SORCS3: variants seen among roughly 807,000 people sequenced by gnomAD.
SORCS3 encodes the protein VPS10 domain-containing receptor SorCS3.
Under a neutral mutation model 146.3 loss-of-function variants are expected in SORCS3, and 57 were observed. The observed-to-expected ratio is 0.39, with a 90% CI of 0.31 to 0.49. The LOEUF (loss-of-function observed/expected upper bound fraction) is 0.49, where lower values mean the gene tolerates loss of function less well. SORCS3 is among the 20% of genes least tolerant of loss of function. The pLI is 0.92. For missense variants in SORCS3, 1,341 were observed against 1,575.5 expected (o/e 0.85, Z 2.52); for synonymous variants, 653 against 618.5 (o/e 1.06, Z -0.83).
chr10:104,841,810 G>A (rs926684455), intron 1 of SORCS3, among the ~76,000 whole-genome samples: 1 of 152,174 alleles, frequency 6.6e-6, no homozygotes, highest in African/African-American at 2.4e-5. Flanking sequence ...GCTGAAAAAA[G>A]TGAAATGAGT....
chr10:105,025,278 A>G (rs1000565369), intron 4 of SORCS3, among the ~76,000 whole-genome samples: 1 of 152,150 alleles, frequency 6.6e-6, no homozygotes, highest in Non-Finnish European at 1.5e-5. Context: ...CAACAAGCAC[A>G]TCTGGAGGCA....
chr10:104,951,972 A>G (rs1377887820), intron 3 of SORCS3, among the ~76,000 whole-genome samples: 1 of 151,754 alleles, frequency 6.6e-6, no homozygotes, highest in Non-Finnish European at 1.5e-5. Context: ...CATTATCCCC[A>G]TTTATGTCTA....
At chr10:104,745,830 T>C (rs761052428) in intron 1 of SORCS3, among the ~76,000 whole-genome samples, 12 of 152,246 alleles carry the variant, frequency 7.9e-5, no homozygotes, top group Admixed American at 2.6e-4. Flanking sequence ...GATCATGTAG[T>C]ATTTGTCCTT....
chr10:105,257,506 G>A (rs1409988116), intron 25 of SORCS3, among the ~76,000 whole-genome samples: 1 of 152,106 alleles, frequency 6.6e-6, no homozygotes, highest in African/African-American at 2.4e-5. Context: ...AGCCACAGAA[G>A]GGGTGGTATA....
chr10:104,986,540 T>C (rs747241053), intron 4 of SORCS3, among the ~76,000 whole-genome samples: 10 of 152,354 alleles, frequency 6.6e-5, no homozygotes, highest in South Asian at 2.1e-4. Context: ...CGCAAGAGAC[T>C]TCACTCTCAG....
chr10:105,254,922 C>T (rs1303910527), intron 23 of SORCS3, among the ~76,000 whole-genome samples: 1 of 152,152 alleles, frequency 6.6e-6, no homozygotes, highest in Non-Finnish European at 1.5e-5. Context: ...GGCGCGGTGG[C>T]TCACGCCTGT....
intron 6 of SORCS3, among the ~76,000 whole-genome samples, chr10:105,096,088 T>G (rs796424575): frequency 1.3e-4 from 19 of 145,410 alleles, no homozygotes; most frequent in African/African-American, 4.8e-4. Context: ...CCAAGCATTA[T>G]AATCACCTCA....
At chr10:105,120,308 C>A (rs1336972067) in intron 7 of SORCS3, among the ~76,000 whole-genome samples, 3 of 152,112 alleles carry the variant, frequency 2.0e-5, no homozygotes, top group African/African-American at 4.8e-5. Flanking sequence ...TCAATTAAAC[C>A]CCTTTTCTCC....
chr10:104,762,051 G>A lies in SORCS3; in HGVS notation c.628-80741G>A, dbSNP rs111294388. ...CCACAAGAATCCTTCTCTTAAGCACGTGCAGTCCCCTCACTGTTCCCACCT... is the reference window on the plus strand; with the variant it reads ...CCACAAGAATCCTTCTCTTAAGCACATGCAGTCCCCTCACTGTTCCCACCT... On this transcript the variant is annotated intron_variant, in intron 1 of 26. Transcript: ENST00000369701. Among the ~76,000 whole-genome samples, 129 of 152,262 alleles carry A rather than the reference G, an allele frequency of 8.5e-4. 1 individual carries two copies. Among genetic ancestry groups the A allele is most frequent in the Non-Finnish European group, 1.4e-3 (92 of 68,012 alleles).
At chr10:104,934,861 G>A (rs1189295032) in intron 3 of SORCS3, among the ~76,000 whole-genome samples, 1 of 152,216 alleles carries the variant, frequency 6.6e-6, no homozygotes, top group Non-Finnish European at 1.5e-5. Context: ...AGGCTGGGAA[G>A]GGGCATTTTT....
At chr10:104,817,971 C>T (rs2133525283) in intron 1 of SORCS3, among the ~76,000 whole-genome samples, 1 of 152,118 alleles carries the variant, frequency 6.6e-6, no homozygotes, top group Non-Finnish European at 1.5e-5. Context: ...CCTTCGCGTC[C>T]ATCTTTCTTT....
intron 8 of SORCS3, among the ~76,000 whole-genome samples, chr10:105,142,566 C>A (rs1217415423): frequency 1.3e-5 from 2 of 152,162 alleles, no homozygotes; most frequent in Non-Finnish European, 2.9e-5. Flanking sequence ...CCAATGGGAG[C>A]TGAAGCAAGC....
intron 3 of SORCS3, among the ~76,000 whole-genome samples, chr10:104,958,507 C>A (rs995141168): frequency 3.3e-5 from 5 of 152,044 alleles, no homozygotes; most frequent in Non-Finnish European, 5.9e-5. Context: ...ATCAGGTCGG[C>A]CATTGTAATC....
At chr10:105,192,487 C>G (rs1427895694) in intron 14 of SORCS3, among the ~76,000 whole-genome samples, 1 of 152,080 alleles carries the variant, frequency 6.6e-6, no homozygotes, top group East Asian at 1.9e-4. Context: ...TCACCCTGCT[C>G]TGTTTCTGAA....
chr10:104,964,710 A>C (rs2054816579), intron 3 of SORCS3, among the ~76,000 whole-genome samples: 1 of 152,100 alleles, frequency 6.6e-6, no homozygotes, highest in African/African-American at 2.4e-5. Context: ...TTTTACTTTA[A>C]AAAATTGTAG....
In SORCS3 at chr10:105,188,054, GAGAT is replaced by G. The variant is rs539734965; in HGVS notation, c.2009+9888_2009+9891del. Among the ~76,000 whole-genome samples, 533 of 152,192 alleles carry G rather than the reference GAGAT, an allele frequency of 3.5e-3. 6 individuals are homozygous for G. The highest frequency in any genetic ancestry group is 0.012 in the African/African-American group (500 of 41,536). On this transcript the variant is annotated intron_variant, in intron 14 of 26. Coordinates refer to ENST00000369701, the MANE Select transcript of SORCS3 (RefSeq NM_014978.3). Reference sequence around the variant, plus strand: ...GTAAAAGAGAGAAAAAAAATTGGGGGAGATAGATAGTGCTAAGGCTTAAGGGCTT... The same window carrying G: ...GTAAAAGAGAGAAAAAAAATTGGGGGAGATAGTGCTAAGGCTTAAGGGCTT...
chr10:105,065,411 A>AG (rs914071465), intron 5 of SORCS3, among the ~76,000 whole-genome samples: 1 of 151,970 alleles, frequency 6.6e-6, no homozygotes, highest in African/African-American at 2.4e-5. Context: ...TTTACAAAAA[A>AG]AAAATCAGTC....
chr10:104,786,441 G>A (rs913560044), intron 1 of SORCS3, among the ~76,000 whole-genome samples: 1 of 151,578 alleles, frequency 6.6e-6, no homozygotes, highest in Non-Finnish European at 1.5e-5. Flanking sequence ...CCAGCTACTC[G>A]GGATGCTGAG....
intron 1 of SORCS3, among the ~76,000 whole-genome samples, chr10:104,794,961 G>A (rs1204785140): frequency 6.6e-6 from 1 of 152,118 alleles, no homozygotes; most frequent in Non-Finnish European, 1.5e-5. Flanking sequence ...AGCACAATAG[G>A]AGCTGGTCTC....
Sources: gnomAD v4.1 joint callset for allele counts (sites outside exome capture counted in the v4.1 genomes callset) on GRCh38, gnomAD v4.1.1 for gene constraint, MANE v1.5 for transcripts, NCBI Gene and HGNC (gene_info 2026-07-23, HGNC 2026-07-21) for gene names.